The following HERC5 variants were observed in gnomAD, a reference collection of about 807,000 sequenced individuals.
The protein encoded by HERC5 is E3 ISG15--protein ligase HERC5.
HERC5 carries 99 observed loss-of-function variants against 119.6 expected under a neutral mutation model. The observed-to-expected ratio is 0.83, with a 90% CI of 0.70 to 0.98. HERC5 has a LOEUF of 0.98. Among genes scored for constraint, HERC5 ranks in the 50% least tolerant of loss-of-function variants. HERC5 has a pLI of 0.00. For missense variants in HERC5, 1,267 were observed against 1,241.3 expected (o/e 1.02, Z -0.31); for synonymous variants, 478 against 445.9 (o/e 1.07, Z -0.91).
rs1429112237 is a variant in HERC5, at chr4:88,463,889, A to C, written c.815A>C (p.His272Pro). ...GLLFTFGAGK[H>P]GQLGHNSTQN... Reference sequence around the variant, plus strand: ...CTGTTTACTTTCGGTGCTGGAAAACATGGGCAACTTGGTCATAATTCAACA... The same window carrying C: ...CTGTTTACTTTCGGTGCTGGAAAACCTGGGCAACTTGGTCATAATTCAACA... Residue 272 changes from histidine to proline, a missense_variant, in exon 6 of 23, where the codon CAT becomes CCT. By Grantham distance (77) the His-to-Pro change is moderately conservative. Around this residue, in one of 3 missense-constraint regions of HERC5, gnomAD observed 777 missense variants for 758.0 expected, o/e 1.03. Coordinates refer to ENST00000264350, the MANE Select transcript of HERC5 (RefSeq NM_016323.4). The C allele has an allele frequency of 6.2e-7, 1 of 1,613,938 alleles. No homozygotes were observed. The highest frequency in any genetic ancestry group is 1.3e-5 in the African/African-American group (1 of 74,882).
chr4:88,458,703 A>C (rs939435410), intron 1 of HERC5, among the ~76,000 whole-genome samples: 1 of 152,174 alleles, frequency 6.6e-6, no homozygotes, highest in Non-Finnish European at 1.5e-5. Flanking sequence ...AGGTCCCAAA[A>C]CTATCCTAGT....
At chr4:88,488,091 A>C (rs780788625) in intron 15 of HERC5, among the ~76,000 whole-genome samples, 13 of 152,206 alleles carry the variant, frequency 8.5e-5, no homozygotes, top group Non-Finnish European at 1.3e-4. Context: ...AGGGAAATCA[A>C]AGATAAAAAG....
chr4:88,469,853 C>T (rs1049559823), intron 9 of HERC5, among the ~76,000 whole-genome samples: 1 of 152,198 alleles, frequency 6.6e-6, no homozygotes, highest in African/African-American at 2.4e-5. Context: ...CATGTAAGCG[C>T]CATGAGGACA....
At chr4:88,459,782 T>C (rs1281098381) in intron 2 of HERC5, among the ~76,000 whole-genome samples, 1 of 152,152 alleles carries the variant, frequency 6.6e-6, no homozygotes, top group Non-Finnish European at 1.5e-5. Flanking sequence ...CTAGAAAAAA[T>C]ACACATTATC....
chr4:88,461,868 T>C (rs1740454163), intron 3 of HERC5, among the ~76,000 whole-genome samples: 1 of 152,272 alleles, frequency 6.6e-6, no homozygotes, highest in South Asian at 2.1e-4. Flanking sequence ...TTGAATTTGA[T>C]TTATAATCAA....
chr4:88,499,845 T>G, intron 18 of HERC5, 81 bp from the exon 19 acceptor site: 2 of 965,418 alleles, frequency 2.1e-6, no homozygotes, highest in Non-Finnish European at 3.3e-6. Context: ...AGAATAGCTA[T>G]ACACTTGACA....
intron 13 of HERC5, among the ~76,000 whole-genome samples, chr4:88,480,958 A>G (rs184321843): frequency 6.6e-6 from 1 of 152,046 alleles, no homozygotes; most frequent in East Asian, 1.9e-4. Context: ...GCTTTATGGT[A>G]TTTTTTGACA....
At chr4:88,462,970 A>C (rs1740504886) in intron 4 of HERC5, among the ~76,000 whole-genome samples, 1 of 152,178 alleles carries the variant, frequency 6.6e-6, no homozygotes, top group Non-Finnish European at 1.5e-5. Flanking sequence ...TACTGTATGC[A>C]TTACCCTGGA....
In HERC5 at chr4:88,475,788, C is replaced by T. The variant is rs1044914651; in HGVS notation, c.1393-53C>T. 4 of 1,453,904 alleles carry T rather than the reference C, an allele frequency of 2.8e-6. No individual in the cohort carries two copies. The African/African-American group carries it at 5.6e-5, about 20-fold the overall frequency. The allele number at this position is 1,453,904 out of a possible 1,614,324, so 90.1% of individuals were successfully genotyped here. A position where few individuals can be genotyped will look rare whatever the true frequency, so the allele number is the denominator to read the frequency against. Reference sequence around the variant, plus strand: ...CCTTGTTTTATTACCATCAGTTGCACCCTGCTTCTACTGAGTTTTGAATCC... The same window carrying T: ...CCTTGTTTTATTACCATCAGTTGCATCCTGCTTCTACTGAGTTTTGAATCC... On this transcript the variant is annotated intron_variant, in intron 11 of 22. Transcript: ENST00000264350.
At chr4:88,470,784 T>C (rs1425509550) in intron 10 of HERC5, 111 bp downstream of exon 10, 1 of 472,734 alleles carries the variant, frequency 2.1e-6, no homozygotes, top group African/African-American at 2.0e-5. Context: ...TTTTTAAAAA[T>C]TTTTTTTAAC....
intron 18 of HERC5, among the ~76,000 whole-genome samples, chr4:88,494,943 T>A (rs1741756316): frequency 6.6e-6 from 1 of 152,236 alleles, no homozygotes; most frequent in South Asian, 2.1e-4. Flanking sequence ...TATATAGTAT[T>A]AGCAAGGGCT....
chr4:88,460,346 A>G (rs747840384), intron 3 of HERC5, among the ~76,000 whole-genome samples, 175 bp downstream of exon 3: 2 of 152,236 alleles, frequency 1.3e-5, no homozygotes, highest in Non-Finnish European at 1.5e-5. Context: ...TTGGATCTGT[A>G]AAATGTTCAG....
intron 13 of HERC5, among the ~76,000 whole-genome samples, chr4:88,485,126 GTATA>G (rs749105423): frequency 6.6e-6 from 1 of 152,040 alleles, no homozygotes; most frequent in Admixed American, 6.6e-5. Flanking sequence ...CTCTGGGAAG[GTATA>G]TTCTAACAAG....
chr4:88,480,873 T>A (rs574120452), intron 13 of HERC5, among the ~76,000 whole-genome samples: 9 of 152,352 alleles, frequency 5.9e-5, no homozygotes, highest in African/African-American at 1.7e-4. Flanking sequence ...TTCTTACTGA[T>A]TATAGAATTC....
chr4:88,462,389 A>G (rs1353385627), intron 4 of HERC5, 33 bp downstream of exon 4: 1 of 1,550,610 alleles, frequency 6.4e-7, no homozygotes, highest in Non-Finnish European at 8.9e-7. Flanking sequence ...CCTATTACCA[A>G]CAGATATACT....
chr4:88,459,510 C>G (rs745602985), intron 2 of HERC5, 40 bp downstream of exon 2: 1 of 1,206,064 alleles, frequency 8.3e-7, no homozygotes, highest in Non-Finnish European at 1.2e-6. Context: ...TAATTTTAAT[C>G]AAAAGACAAT....
At chr4:88,497,219 AG>A (rs1369604752) in intron 18 of HERC5, among the ~76,000 whole-genome samples, 1 of 152,242 alleles carries the variant, frequency 6.6e-6, no homozygotes, top group Non-Finnish European at 1.5e-5. Context: ...ATTAGTAAGT[AG>A]TGGAAGAGTT....
At chr4:88,501,877 C>T (rs1332797185) in intron 20 of HERC5, among the ~76,000 whole-genome samples, 1 of 152,146 alleles carries the variant, frequency 6.6e-6, no homozygotes, top group Non-Finnish European at 1.5e-5. Flanking sequence ...TGGCTCACTG[C>T]AACCTCCGCC....
chr4:88,458,161 T>C, intron 1 of HERC5: 3 of 796,950 alleles, frequency 3.8e-6, no homozygotes, highest in Non-Finnish European at 4.6e-6. Flanking sequence ...GTTAAATCTT[T>C]TTCTTATTTG....
Sources: allele counts gnomAD v4.1 joint callset (sites outside exome capture counted in the v4.1 genomes callset), GRCh38; gene constraint gnomAD v4.1.1; regional missense constraint gnomAD v4.1.1; transcripts MANE v1.5; gene names NCBI Gene and HGNC (gene_info 2026-07-23, HGNC 2026-07-21).